Variants in ANKFY1 observed in about 807,000 individuals in gnomAD.
ANKFY1 encodes ankyrin repeat and FYVE domain-containing protein 1.
ANKFY1 carries 47 observed loss-of-function variants against 128.3 expected under a neutral mutation model. The ratio of observed to expected loss-of-function variants is 0.37; its 90% CI spans 0.29 to 0.47. The LOEUF (loss-of-function observed/expected upper bound fraction) is 0.47, where lower values mean the gene tolerates loss of function less well. Ranked by LOEUF, ANKFY1 falls within the 20% of genes least tolerant of loss-of-function variation. The probability of loss-of-function intolerance (pLI) is 1.00; values close to 1 mark genes in which losing one functional copy is unlikely to be tolerated. For missense variants in ANKFY1, 1,222 were observed against 1,510.6 expected, an observed-to-expected ratio of 0.81 and a Z score of 3.17; for synonymous variants, 553 against 601.6, an observed-to-expected ratio of 0.92 and a Z score of 1.18.
Position 4,167,945 on chromosome 17 carries a change from C to A in ANKFY1, c.3378-34G>T. The A allele has an allele frequency of 6.3e-7, 1 of 1,597,902 alleles. No homozygotes were observed. The highest frequency in any genetic ancestry group is 1.3e-5 in the African/African-American group (1 of 74,516). On this transcript the variant is annotated intron_variant, in intron 24 of 24. Coordinates refer to ENST00000341657, the MANE Select transcript of ANKFY1 (RefSeq NM_001330063.2). This position sits in a 1 kb window ranked among gnomAD's most constrained non-coding sequence, Gnocchi z 4.1. ...GCAAAGAAAGGAAGTATGAGAGGAG[C>A]GCCAACGACAGACTCTGCTTCCTGG...
intron 1 of ANKFY1, chr17:4,249,321 C>A (rs1967717050): frequency 6.5e-6 from 1 of 152,946 alleles, no homozygotes. Flanking sequence ...TTTATGAACA[C>A]TGAAAATGGA....
At chr17:4,235,168 C>T (rs1169402397) in intron 3 of ANKFY1, among the ~76,000 whole-genome samples, 1 of 151,890 alleles carries the variant, frequency 6.6e-6, no homozygotes, top group Non-Finnish European at 1.5e-5. Flanking sequence ...CATGGTAAAA[C>T]CCTGTCTCTA....
Position 4,235,781 on chromosome 17 carries a change from C to T in ANKFY1, c.313G>A (p.Asp105Asn), listed in dbSNP as rs1966880553. ...LANLSSTKEL[D>N]LSDANPEVTM... ...TCACTCAAAGGCTCACCTGACAGGT[C>T]CAACTCTTTAGTGGAAGACAAGTTA... Residue 105 changes from aspartate (D) to asparagine (N), a missense_variant, in exon 3 of 25, where the codon GAC becomes AAC. Physicochemically the swap from Asp to Asn is conservative, Grantham distance 23. Transcript: ENST00000341657. 1 of 1,613,906 alleles carries T rather than the reference C, an allele frequency of 6.2e-7. No homozygotes were observed. Among genetic ancestry groups the T allele is most frequent in the African/African-American group, 1.3e-5 (1 of 74,930 alleles).
chr17:4,249,195 T>G lies in ANKFY1; in HGVS notation c.11-6747A>C. ...GGCATACTTTCCGTACAGGGCCACA[T>G]AGCAAATATTTTAGGCTTTGGGAGC... On this transcript the variant is annotated intron_variant, in intron 1 of 24. Coordinates refer to ENST00000341657, the MANE Select transcript of ANKFY1 (RefSeq NM_001330063.2). 5 of 857,456 alleles carry G rather than the reference T, an allele frequency of 5.8e-6. No homozygotes were observed. In the South Asian group the frequency reaches 1.6e-4, roughly 28 times the overall value. The allele number at this position is 857,456 out of a possible 1,614,324, so 53.1% of individuals were successfully genotyped here.
intron 7 of ANKFY1, among the ~76,000 whole-genome samples, chr17:4,205,469 G>T (rs1262803943): frequency 6.6e-6 from 1 of 152,014 alleles, no homozygotes; most frequent in Non-Finnish European, 1.5e-5. Flanking sequence ...CTGGGAGGAC[G>T]CGGTGGCTCA....
chr17:4,179,169 A>G (rs2059463449), intron 17 of ANKFY1, 112 bp from the exon 18 acceptor site: 2 of 1,162,930 alleles, frequency 1.7e-6, no homozygotes, highest in Non-Finnish European at 2.5e-6. Flanking sequence ...GATCAATACT[A>G]CCACCCTGTG....
chr17:4,236,482 C>T (rs528075953), intron 2 of ANKFY1, among the ~76,000 whole-genome samples: 21 of 152,290 alleles, frequency 1.4e-4, no homozygotes, highest in African/African-American at 4.8e-4. Flanking sequence ...GAGGAAAAAG[C>T]TTTCTTTTCA....
intron 1 of ANKFY1, among the ~76,000 whole-genome samples, chr17:4,253,541 G>C (rs1262872721): frequency 6.6e-6 from 1 of 152,088 alleles, no homozygotes; most frequent in African/African-American, 2.4e-5. Flanking sequence ...TGAGGCCTTA[G>C]CATCATTCCT....
In ANKFY1 at chr17:4,213,733, C is replaced by G. The variant is rs112491853; in HGVS notation, c.458+3250G>C. On this transcript the variant is annotated intron_variant, in intron 4 of 24. Transcript: ENST00000341657. ...GGACTAAAAGCGCCTGCCACCACGCCCAGCTAATTTTTTGTATTTTTAGTA... is the reference window on the plus strand; with the variant it reads ...GGACTAAAAGCGCCTGCCACCACGCGCAGCTAATTTTTTGTATTTTTAGTA... Among the ~76,000 whole-genome samples, 178 of 152,058 alleles carry G rather than the reference C, an allele frequency of 1.2e-3. 1 individual carries two copies. The highest frequency in any genetic ancestry group is 4.1e-3 in the African/African-American group (171 of 41,456).
At chr17:4,243,204 C>G (rs1967347531) in intron 1 of ANKFY1, among the ~76,000 whole-genome samples, 1 of 151,922 alleles carries the variant, frequency 6.6e-6, no homozygotes, top group Admixed American at 6.6e-5. Context: ...GTAGCTGGGA[C>G]TACAGGCACA....
chr17:4,174,179 C>G, intron 19 of ANKFY1, 123 bp from the exon 20 acceptor site: 2 of 1,210,218 alleles, frequency 1.7e-6, no homozygotes, highest in Non-Finnish European at 2.3e-6. Context: ...GCTGACAGAG[C>G]TGGGAGCATA....
intron 19 of ANKFY1, among the ~76,000 whole-genome samples, chr17:4,176,418 G>A (rs1043453894): frequency 1.9e-4 from 29 of 152,312 alleles, no homozygotes; most frequent in Admixed American, 1.6e-3. Flanking sequence ...TCTGGACCTT[G>A]TTCTCTCAGC....
Position 4,166,835 on chromosome 17 carries a change from G to T in ANKFY1, c.*944C>A, listed in dbSNP as rs2059220090. 6.6e-6 allele frequency: 1 copy of T among 152,368 alleles called. No individual in the cohort carries two copies. Among genetic ancestry groups the T allele is most frequent in the African/African-American group, 2.4e-5 (1 of 41,474 alleles). 9.4% of individuals were successfully genotyped at this position (152,368 alleles called of 1,614,324 possible). Reference sequence around the variant, plus strand: ...CCTGTATGAATCTCTTGCTCTAAAAGATGCTCTGTAGAGTTTTTCCTTGGA... The same window carrying T: ...CCTGTATGAATCTCTTGCTCTAAAATATGCTCTGTAGAGTTTTTCCTTGGA... On this transcript the variant is annotated 3_prime_UTR_variant, in exon 25 of 25. Transcript: ENST00000341657.
chr17:4,194,684 T>C, intron 10 of ANKFY1: 1 of 404,940 alleles, frequency 2.5e-6, no homozygotes. Context: ...AAAAGCTCTC[T>C]GGGGTACAAT....
chr17:4,238,046 G>A (rs1055266217), intron 2 of ANKFY1, among the ~76,000 whole-genome samples: 3 of 151,454 alleles, frequency 2.0e-5, no homozygotes, highest in Non-Finnish European at 4.4e-5. Context: ...TGAAATGTAG[G>A]CCAGGCACAG....
intron 3 of ANKFY1, among the ~76,000 whole-genome samples, chr17:4,230,699 T>C (rs2060499105): frequency 1.3e-5 from 2 of 152,204 alleles, no homozygotes; most frequent in Non-Finnish European, 2.9e-5. Flanking sequence ...TGTTTTGATA[T>C]ATGTATGCAC....
intron 4 of ANKFY1, among the ~76,000 whole-genome samples, chr17:4,211,538 C>T (rs1460276493): frequency 6.6e-6 from 1 of 151,940 alleles, no homozygotes; most frequent in Non-Finnish European, 1.5e-5. Flanking sequence ...CATAAAGCCG[C>T]ATAATAATAA....
chr17:4,218,877 A>C (rs1352908672), intron 3 of ANKFY1, among the ~76,000 whole-genome samples: 1 of 152,082 alleles, frequency 6.6e-6, no homozygotes, highest in African/African-American at 2.4e-5. Context: ...ACCCTGTCTC[A>C]AAAAGAAAAA....
intron 10 of ANKFY1, among the ~76,000 whole-genome samples, chr17:4,190,682 GA>G (rs2059701115): frequency 6.6e-6 from 1 of 151,910 alleles, no homozygotes; most frequent in African/African-American, 2.4e-5. Flanking sequence ...ACCTTGGAAA[GA>G]AAAAAATGAG....
Sources: gnomAD v4.1 joint callset for allele counts (sites outside exome capture counted in the v4.1 genomes callset) on GRCh38, gnomAD v4.1.1 for gene constraint, Gnocchi (gnomAD v3.1) non-coding constraint, MANE v1.5 for transcripts, NCBI Gene and HGNC (gene_info 2026-07-23, HGNC 2026-07-21) for gene names.